Variants in C9orf43 observed in about 807,000 individuals in gnomAD.
The protein encoded by C9orf43 is uncharacterized protein C9orf43.
A neutral mutation model predicts 59.1 loss-of-function variants in C9orf43; 45 were observed. The ratio of observed to expected loss-of-function variants is 0.76; its 90% CI spans 0.60 to 0.98. The LOEUF is 0.98. Among genes scored for constraint, C9orf43 ranks in the 50% least tolerant of loss-of-function variants. C9orf43 has a pLI of 0.00. For missense variants in C9orf43, 533 were observed against 554.9 expected, an observed-to-expected ratio of 0.96 and a Z score of 0.40; for synonymous variants, 203 against 196.8, an observed-to-expected ratio of 1.03 and a Z score of -0.26.
At chr9:113,415,340 C>T (rs997944247) in intron 3 of C9orf43, among the ~76,000 whole-genome samples, 13 of 151,536 alleles carry the variant, frequency 8.6e-5, no homozygotes, top group South Asian at 2.1e-4. Context: ...GACAGGTTTT[C>T]GCCATGTTTG....
chr9:113,420,550 T>C (rs1252854778), intron 4 of C9orf43, among the ~76,000 whole-genome samples: 4 of 152,246 alleles, frequency 2.6e-5, no homozygotes, highest in South Asian at 4.1e-4. Context: ...TTTTCGTGTG[T>C]GTATCTTACC....
chr9:113,415,541 G>T (rs1828327113), intron 3 of C9orf43, among the ~76,000 whole-genome samples: 1 of 151,480 alleles, frequency 6.6e-6, no homozygotes, highest in South Asian at 2.1e-4. Flanking sequence ...ATGTAAAGGG[G>T]TTATCCTGTA....
In C9orf43 at chr9:113,429,347, T is replaced by G. The variant is rs895536099; in HGVS notation, c.1347T>G (p.Asp449Glu). ...LKLLRILQDT[D>E]DEDEEDQSSG... ...TACTTAGGATTCTTCAGGACACTGA[T>G]GATGAGGATGAGGAGGACCAGTCCT... The change falls in exon 14 of 14, where the codon GAT becomes GAG. Residue 449 changes from aspartate (D) to glutamate (E), a missense_variant. Physicochemically the swap from Asp to Glu is conservative, Grantham distance 45. Coordinates refer to ENST00000374165, the MANE Select transcript of C9orf43 (RefSeq NM_001278629.2). 1 of 1,614,102 alleles carries G rather than the reference T, an allele frequency of 6.2e-7. No individual in the cohort carries two copies. The highest frequency in any genetic ancestry group is 8.5e-7 in the Non-Finnish European group (1 of 1,180,020).
intron 3 of C9orf43, among the ~76,000 whole-genome samples, chr9:113,415,838 T>C (rs1227432317): frequency 6.6e-6 from 1 of 152,236 alleles, no homozygotes; most frequent in Non-Finnish European, 1.5e-5. Context: ...GTATTTTCTT[T>C]TCTCCTGTTC....
Position 113,413,582 on chromosome 9 carries a change from G to T in C9orf43, c.89G>T (p.Arg30Leu), listed in dbSNP as rs1050885321. The change falls in exon 2 of 14, where the codon CGC (arginine) becomes CTC (leucine). Residue 30 changes from arginine (R) to leucine (L), a missense_variant. Coordinates refer to ENST00000374165, the MANE Select transcript of C9orf43 (RefSeq NM_001278629.2). ...CCACAATGCTGGGCAACTATCCGCC[G>T]CATTGAGAGGGGCCATCCTCGAATC... ...QHPQCWATIR[R>L]IERGHPRILG... is the part of the protein sequence containing the mutation. 5 of 1,614,186 alleles carry T rather than the reference G, an allele frequency of 3.1e-6. No individual in the cohort carries two copies. The highest frequency in any genetic ancestry group is 4.2e-6 in the Non-Finnish European group (5 of 1,180,012).
At chr9:113,427,157 A>G (rs1347151919) in intron 11 of C9orf43, among the ~76,000 whole-genome samples, 2 of 152,064 alleles carry the variant, frequency 1.3e-5, no homozygotes, top group African/African-American at 2.4e-5. Context: ...ACTAAGACCA[A>G]TTGTGAAGCT....
At chr9:113,420,373 C>T (rs1242056389) in intron 4 of C9orf43, among the ~76,000 whole-genome samples, 6 of 152,042 alleles carry the variant, frequency 3.9e-5, no homozygotes, top group Non-Finnish European at 7.4e-5. Flanking sequence ...AGTTGTCATG[C>T]CTGGCCGAGA....
At chr9:113,414,100 G>A (rs113112745) in intron 3 of C9orf43, among the ~76,000 whole-genome samples, 2,228 of 152,234 alleles carry the variant, frequency 0.015, 60 homozygotes, top group African/African-American at 0.051. Flanking sequence ...AGGTATATTG[G>A]TTCGGTAGGG....
chr9:113,418,373 G>A (rs1483093527), intron 3 of C9orf43, among the ~76,000 whole-genome samples: 1 of 152,070 alleles, frequency 6.6e-6, no homozygotes, highest in Non-Finnish European at 1.5e-5. Flanking sequence ...TTCCAGTGTT[G>A]TAGTATATAC....
chr9:113,413,573 C>T lies in C9orf43; in HGVS notation c.80C>T (p.Thr27Ile), dbSNP rs1828249568. ...TGTCAGCACCCACAATGCTGGGCAA[C>T]TATCCGCCGCATTGAGAGGGGCCAT... Reference protein sequence around the residue: ...AVCQHPQCWATIRRIERGHPR... With the variant: ...AVCQHPQCWAIIRRIERGHPR... Residue 27 changes from threonine to isoleucine, a missense_variant, in exon 2 of 14, where the codon ACT becomes ATT. Coordinates refer to ENST00000374165, the MANE Select transcript of C9orf43 (RefSeq NM_001278629.2). 6.2e-7 allele frequency: 1 copy of T among 1,614,254 alleles called. No homozygotes were observed. The highest frequency in any genetic ancestry group is 1.1e-5 in the South Asian group (1 of 91,086).
At chr9:113,426,845 T>A (rs1828809810) in intron 11 of C9orf43, among the ~76,000 whole-genome samples, 1 of 152,220 alleles carries the variant, frequency 6.6e-6, no homozygotes, top group Non-Finnish European at 1.5e-5. Flanking sequence ...CATAGAGCAG[T>A]GGCCTGTCCT....
intron 6 of C9orf43, among the ~76,000 whole-genome samples, chr9:113,422,912 G>T (rs1197256062): frequency 6.6e-6 from 1 of 152,084 alleles, no homozygotes; most frequent in East Asian, 1.9e-4. Flanking sequence ...TATAAGACCT[G>T]GGCTTCTAAC....
At chr9:113,424,657 G>A (rs1227421592) in intron 8 of C9orf43, among the ~76,000 whole-genome samples, 1 of 151,876 alleles carries the variant, frequency 6.6e-6, no homozygotes, top group African/African-American at 2.4e-5. Context: ...CTCCAGAGTA[G>A]CTGGGACTAC....
chr9:113,428,928 A>C lies in C9orf43; in HGVS notation c.1136A>C (p.Tyr379Ser). The change falls in exon 13 of 14, where the codon TAC (tyrosine) becomes TCC (serine). Residue 379 changes from tyrosine (Y) to serine (S), a missense_variant. By Grantham distance (144) the Tyr-to-Ser change is moderately radical (BLOSUM62 -2). Transcript: ENST00000374165. The part of the protein sequence containing the change: ...QDSTERPKMN[Y>S]YDHADFHHSV... ...TCCACGGAGAGACCAAAGATGAACT[A>C]CTATGACCATGCGGATTTCCACCAC... 6.2e-7 allele frequency: 1 copy of C among 1,613,938 alleles called. No homozygotes were observed. Among genetic ancestry groups the C allele is most frequent in the Non-Finnish European group, 8.5e-7 (1 of 1,179,790 alleles).
chr9:113,411,976 C>G (rs138152568), intron 1 of C9orf43, among the ~76,000 whole-genome samples: 3,163 of 152,254 alleles, frequency 0.021, 108 homozygotes, highest in African/African-American at 0.072. Flanking sequence ...CGCCCAGCCT[C>G]CCACTGAGAA....
chr9:113,422,830 A>T (rs1397233609), intron 6 of C9orf43, among the ~76,000 whole-genome samples: 1 of 152,018 alleles, frequency 6.6e-6, no homozygotes, highest in Non-Finnish European at 1.5e-5. Flanking sequence ...TTGCGTGTTC[A>T]GGGGGGGAGT....
intron 11 of C9orf43, among the ~76,000 whole-genome samples, chr9:113,427,817 A>G (rs952613845): frequency 1.3e-5 from 2 of 152,258 alleles, no homozygotes; most frequent in Admixed American, 6.5e-5. Context: ...TTATGGGTAC[A>G]TGAGGGATGG....
Position 113,422,594 on chromosome 9 carries a change from G to A in C9orf43, c.483+9G>A. On this transcript the variant is annotated intron_variant, in intron 6 of 13. Coordinates refer to ENST00000374165, the MANE Select transcript of C9orf43 (RefSeq NM_001278629.2). The stretch of plus-strand genomic sequence containing the variant: ...GAAAGAACTCGGCAGTGGTGAGTTT[G>A]ATGTTTTTGTGCAAACCTTTATAAT... 1.2e-6 allele frequency: 2 copies of A among 1,613,768 alleles called. No homozygotes were observed. The highest frequency in any genetic ancestry group is 1.7e-6 in the Non-Finnish European group (2 of 1,179,868).
intron 11 of C9orf43, 69 bp from the exon 12 acceptor site, chr9:113,428,078 C>G: frequency 6.6e-7 from 1 of 1,515,268 alleles, no homozygotes. Flanking sequence ...CTAGGGGTCA[C>G]CTAGAAGCCC....
Sources: gnomAD v4.1 joint callset for allele counts (sites outside exome capture counted in the v4.1 genomes callset) on GRCh38, gnomAD v4.1.1 for gene constraint, MANE v1.5 for transcripts, NCBI Gene and HGNC (gene_info 2026-07-23, HGNC 2026-07-21) for gene names.